Variants in CFAP299 observed in about 807,000 individuals in gnomAD.
The protein encoded by CFAP299 is cilia- and flagella-associated protein 299.
In CFAP299, 21 loss-of-function variants were observed where a neutral mutation model predicts 27.0. That is an observed-to-expected ratio of 0.78 (90% confidence interval 0.55 to 1.12). The LOEUF is 1.12. Among genes scored for constraint, CFAP299 ranks in the 50% most tolerant of loss-of-function variants. The pLI, the probability that CFAP299 is intolerant of heterozygous loss-of-function variation, is 0.00. For missense variants in CFAP299, 310 were observed against 276.6 expected (o/e 1.12, Z -0.86); for synonymous variants, 104 against 98.1 (o/e 1.06, Z -0.36).
intron 3 of CFAP299, among the ~76,000 whole-genome samples, chr4:80,607,837 T>A (rs936844243): frequency 4.6e-5 from 7 of 152,198 alleles, no homozygotes; most frequent in Non-Finnish European, 8.8e-5. Context: ...GGTGAAATAC[T>A]TGCTTTCCAT....
chr4:80,689,710 AATGGACT>A (rs1157770633), intron 3 of CFAP299, among the ~76,000 whole-genome samples: 1 of 152,200 alleles, frequency 6.6e-6, no homozygotes, highest in Non-Finnish European at 1.5e-5. Flanking sequence ...TTTAAATGTA[AATGGACT>A]AAATGCTCCA....
intron 1 of CFAP299, among the ~76,000 whole-genome samples, chr4:80,348,588 T>C (rs1722862444): frequency 6.6e-6 from 1 of 152,158 alleles, no homozygotes; most frequent in Admixed American, 6.5e-5. Context: ...TGAGATACCA[T>C]CTCACGCCAG....
At chr4:80,322,732 C>CA in the CFAP299 span, among the ~76,000 whole-genome samples, 1 of 152,084 alleles carries the variant, frequency 6.6e-6, no homozygotes, top group Non-Finnish European at 1.5e-5. Flanking sequence ...TTCAAAATAA[C>CA]AAAGTTATTT....
chr4:80,644,054 G>T (rs555212929), intron 3 of CFAP299, among the ~76,000 whole-genome samples: 1 of 152,216 alleles, frequency 6.6e-6, no homozygotes, highest in East Asian at 1.9e-4. Flanking sequence ...CCACCCTGGG[G>T]AATACTGTGT....
intron 4 of CFAP299, among the ~76,000 whole-genome samples, chr4:80,912,154 A>T (rs1039995903): frequency 1.3e-5 from 2 of 152,198 alleles, no homozygotes; most frequent in African/African-American, 2.4e-5. Context: ...TGAACAAAAT[A>T]ATAATTACAT....
At chr4:80,716,764 A>G (rs543374432) in intron 3 of CFAP299, among the ~76,000 whole-genome samples, 2 of 152,220 alleles carry the variant, frequency 1.3e-5, no homozygotes, top group East Asian at 1.9e-4. Context: ...TTGAATCTGA[A>G]TATGTATATA....
chr4:80,930,108 G>T (rs886816777), intron 4 of CFAP299, among the ~76,000 whole-genome samples: 1 of 152,120 alleles, frequency 6.6e-6, no homozygotes, highest in Non-Finnish European at 1.5e-5. Flanking sequence ...TCTAGAAAAG[G>T]GAGAGGGGCT....
intron 4 of CFAP299, among the ~76,000 whole-genome samples, chr4:80,906,246 G>C (rs1735179660): frequency 2.6e-5 from 4 of 152,216 alleles, no homozygotes; most frequent in Admixed American, 2.6e-4. Flanking sequence ...TTGACTCCAT[G>C]TCTCACACCC....
chr4:80,322,260 C>T, the CFAP299 span, among the ~76,000 whole-genome samples: 1 of 152,194 alleles, frequency 6.6e-6, no homozygotes, highest in African/African-American at 2.4e-5. Context: ...AAATGCATAT[C>T]CTTGCTCCTT....
In CFAP299 at chr4:80,877,063, C is replaced by T. The variant is rs565007972; in HGVS notation, c.476+6928C>T. On this transcript the variant is annotated intron_variant, in intron 4 of 5. Transcript: ENST00000358105. The stretch of plus-strand genomic sequence containing the variant: ...GCTTTGTGTGTGGAAGAGCTCTGAA[C>T]AGAATTAAAAGTGACCTGTAATTGT... 2.1e-4 allele frequency among the ~76,000 whole-genome samples: 32 copies of T among 152,202 alleles called. No homozygotes were observed. The East Asian group carries it at 5.8e-3, about 28-fold the overall frequency.
chr4:80,487,849 C>G (rs1730905414), intron 2 of CFAP299, among the ~76,000 whole-genome samples: 1 of 152,170 alleles, frequency 6.6e-6, no homozygotes, highest in South Asian at 2.1e-4. Flanking sequence ...TGATTCAATA[C>G]TTCTCTCACA....
chr4:80,482,255 C>CT (rs1423976532), intron 2 of CFAP299, among the ~76,000 whole-genome samples: 1 of 151,692 alleles, frequency 6.6e-6, no homozygotes, highest in Non-Finnish European at 1.5e-5. Flanking sequence ...TGCCTTTTCT[C>CT]TTTTCTCTGA....
intron 4 of CFAP299, among the ~76,000 whole-genome samples, chr4:80,915,958 G>A (rs549021360): frequency 2.6e-5 from 4 of 151,414 alleles, no homozygotes; most frequent in South Asian, 2.1e-4. Context: ...GTATATTTCC[G>A]TTAATTAATA....
At chr4:80,907,703 G>A (rs1344586669) in intron 4 of CFAP299, among the ~76,000 whole-genome samples, 1 of 152,124 alleles carries the variant, frequency 6.6e-6, no homozygotes, top group Non-Finnish European at 1.5e-5. Context: ...CAGCATGTGG[G>A]TAACTGCCCC....
chr4:80,709,416 A>T lies in CFAP299; in HGVS notation c.333+126233A>T, dbSNP rs532966170. The stretch of plus-strand genomic sequence containing the variant: ...TAAATATCAGGGTTGTCAGAAACAC[A>T]GTTACAAAGTGCTGCTCCCTGCTTG... On this transcript the variant is annotated intron_variant, in intron 3 of 5. Transcript: ENST00000358105. Among the ~76,000 whole-genome samples the T allele has an allele frequency of 6.6e-5, 10 of 150,756 alleles. 1 individual carries two copies. The East Asian group carries it at 1.9e-3, about 29-fold the overall frequency.
At chr4:80,872,189 G>T (rs1733133571) in intron 4 of CFAP299, 1 of 152,012 alleles carries the variant, frequency 6.6e-6, no homozygotes, top group African/African-American at 2.4e-5. Context: ...ATTTTAATAT[G>T]TGATGCTCTG....
chr4:80,372,702 C>T (rs1724205852), intron 2 of CFAP299, among the ~76,000 whole-genome samples: 2 of 152,134 alleles, frequency 1.3e-5, no homozygotes, highest in South Asian at 2.1e-4. Flanking sequence ...ATTTCTTGTT[C>T]ATCCTTTCCA....
chr4:80,390,139 A>G (rs546005624), intron 2 of CFAP299, among the ~76,000 whole-genome samples: 1 of 152,130 alleles, frequency 6.6e-6, no homozygotes, highest in Non-Finnish European at 1.5e-5. Flanking sequence ...GAGAATATTT[A>G]AGGTCTACTT....
chr4:80,420,062 T>C (rs1428383358), intron 2 of CFAP299, among the ~76,000 whole-genome samples: 1 of 151,954 alleles, frequency 6.6e-6, no homozygotes, highest in Non-Finnish European at 1.5e-5. Flanking sequence ...GGCCTGATCA[T>C]AGCCAAGCAG....
Sources: gnomAD v4.1 joint callset for allele counts (sites outside exome capture counted in the v4.1 genomes callset) on GRCh38, gnomAD v4.1.1 for gene constraint, MANE v1.5 for transcripts, NCBI Gene and HGNC (gene_info 2026-07-23, HGNC 2026-07-21) for gene names.